Variants in EXOC4 observed in about 807,000 individuals in gnomAD.
The protein encoded by EXOC4 is exocyst complex component 4.
Under a neutral mutation model 107.2 loss-of-function variants are expected in EXOC4, and 71 were observed. The observed-to-expected ratio is 0.66, with a 90% CI of 0.55 to 0.81. The LOEUF is 0.81. Among genes scored for constraint, EXOC4 ranks in the 30% least tolerant of loss-of-function variants. The pLI, the probability that EXOC4 is intolerant of heterozygous loss-of-function variation, is 0.00. For synonymous variants in EXOC4, 456 were observed against 441.2 expected (o/e 1.03, Z -0.42); for missense variants, 1,108 against 1,189.6 (o/e 0.93, Z 1.01).
At chr7:133,994,344 C>T (rs1368197191) in intron 14 of EXOC4, among the ~76,000 whole-genome samples, 1 of 152,012 alleles carries the variant, frequency 6.6e-6, no homozygotes, top group Non-Finnish European at 1.5e-5. Flanking sequence ...TGCACCATGC[C>T]TATCGGGGGG....
At chr7:133,304,853 C>T (rs1367813664) in intron 3 of EXOC4, among the ~76,000 whole-genome samples, 1 of 152,168 alleles carries the variant, frequency 6.6e-6, no homozygotes, top group Non-Finnish European at 1.5e-5. Flanking sequence ...TTTAGTATAA[C>T]CAAAGCAGGG....
the EXOC4 span, among the ~76,000 whole-genome samples, chr7:134,077,794 C>T: frequency 6.6e-6 from 1 of 152,272 alleles, no homozygotes; most frequent in African/African-American, 2.4e-5. Context: ...GTAACCTTCA[C>T]TATGGTGCCC....
intron 10 of EXOC4, among the ~76,000 whole-genome samples, chr7:133,636,114 T>G (rs1160028102): frequency 6.6e-6 from 1 of 152,190 alleles, no homozygotes; most frequent in Non-Finnish European, 1.5e-5. Flanking sequence ...GTCTGCCAAA[T>G]CACTGTGAGC....
At chr7:133,255,424 C>T (rs559906144) in intron 1 of EXOC4, among the ~76,000 whole-genome samples, 1 of 152,292 alleles carries the variant, frequency 6.6e-6, no homozygotes, top group South Asian at 2.1e-4. Flanking sequence ...GTCTGCCTGC[C>T]TTGGCCTCCC....
chr7:134,075,972 A>AT, the EXOC4 span, among the ~76,000 whole-genome samples: 2 of 152,172 alleles, frequency 1.3e-5, no homozygotes, highest in Non-Finnish European at 2.9e-5. Flanking sequence ...GTTTAAAGCC[A>AT]TTGACATTTT....
At chr7:133,694,879 A>G (rs940030238) in intron 10 of EXOC4, among the ~76,000 whole-genome samples, 6 of 151,886 alleles carry the variant, frequency 4.0e-5, no homozygotes, top group African/African-American at 7.3e-5. Context: ...TCTTTGTGCA[A>G]TGGCGCAATC....
chr7:133,276,018 A>G (rs1303434306), intron 2 of EXOC4, among the ~76,000 whole-genome samples: 1 of 152,064 alleles, frequency 6.6e-6, no homozygotes, highest in Non-Finnish European at 1.5e-5. Context: ...ACTAATGTGT[A>G]TTAAGTTTTA....
intron 10 of EXOC4, among the ~76,000 whole-genome samples, chr7:133,683,413 G>T (rs1207043690): frequency 6.6e-6 from 1 of 152,058 alleles, no homozygotes; most frequent in East Asian, 1.9e-4. Flanking sequence ...ATATCTTGGG[G>T]CTCAGAATCT....
chr7:133,892,774 C>T (rs933710443), intron 11 of EXOC4, among the ~76,000 whole-genome samples: 2 of 139,060 alleles, frequency 1.4e-5, no homozygotes, highest in Non-Finnish European at 3.1e-5. Context: ...AGTTTGATTG[C>T]ACTGTGGTCT....
intron 17 of EXOC4, among the ~76,000 whole-genome samples, chr7:134,052,509 G>A (rs906774999): frequency 2.0e-5 from 3 of 151,928 alleles, no homozygotes; most frequent in African/African-American, 7.3e-5. Context: ...TCAGCATGGA[G>A]GATGTGATAC....
chr7:133,978,966 GT>G (rs1424142777), intron 14 of EXOC4, among the ~76,000 whole-genome samples: 4 of 152,214 alleles, frequency 2.6e-5, no homozygotes, highest in Non-Finnish European at 5.9e-5. Flanking sequence ...ACAAGGGTAT[GT>G]TCCCATTTCA....
chr7:133,603,859 T>A (rs1168400656), intron 9 of EXOC4, among the ~76,000 whole-genome samples: 1 of 152,174 alleles, frequency 6.6e-6, no homozygotes, highest in Non-Finnish European at 1.5e-5. Flanking sequence ...ATAAACAGCT[T>A]ACTGTAACTT....
intron 10 of EXOC4, among the ~76,000 whole-genome samples, chr7:133,807,542 G>A (rs1797108380): frequency 6.6e-6 from 1 of 151,724 alleles, no homozygotes; most frequent in African/African-American, 2.4e-5. Flanking sequence ...TGGATATTTT[G>A]AATAAATTGC....
intron 10 of EXOC4, among the ~76,000 whole-genome samples, chr7:133,720,158 T>C (rs2151105387): frequency 6.6e-6 from 1 of 152,294 alleles, no homozygotes; most frequent in East Asian, 1.9e-4. Context: ...GAAATAATGC[T>C]AAGCGTGGGG....
chr7:133,773,556 T>G (rs1283605824), intron 10 of EXOC4, among the ~76,000 whole-genome samples: 1 of 151,900 alleles, frequency 6.6e-6, no homozygotes, highest in Admixed American at 6.6e-5. Flanking sequence ...CCTGGCTCTA[T>G]CAGAGCAGAT....
At chr7:133,955,722 C>T (rs898208379) in intron 14 of EXOC4, among the ~76,000 whole-genome samples, 2 of 152,222 alleles carry the variant, frequency 1.3e-5, no homozygotes, top group Admixed American at 1.3e-4. Flanking sequence ...TACAGGCCTG[C>T]ACCATGCTGC....
intron 10 of EXOC4, among the ~76,000 whole-genome samples, chr7:133,699,535 G>A (rs1477152035): frequency 6.6e-6 from 1 of 152,208 alleles, no homozygotes; most frequent in Non-Finnish European, 1.5e-5. Context: ...GGAACAGGCA[G>A]TTGCTGGGCT....
intron 1 of EXOC4, among the ~76,000 whole-genome samples, chr7:133,256,050 T>C (rs1476376068): frequency 1.3e-5 from 2 of 151,990 alleles, no homozygotes; most frequent in African/African-American, 2.4e-5. Context: ...GGCGCAATCT[T>C]GGCTCACTGC....
chr7:133,288,677 C>T (rs1794335643), intron 2 of EXOC4, among the ~76,000 whole-genome samples: 1 of 152,116 alleles, frequency 6.6e-6, no homozygotes, highest in African/African-American at 2.4e-5. Flanking sequence ...TAGATTCACT[C>T]AAAGGTAGGT....
Sources: gnomAD v4.1 joint callset for allele counts (sites outside exome capture counted in the v4.1 genomes callset) on GRCh38, gnomAD v4.1.1 for gene constraint, MANE v1.5 for transcripts, NCBI Gene and HGNC (gene_info 2026-07-23, HGNC 2026-07-21) for gene names.